Variants in IRAG2 observed in about 807,000 individuals in gnomAD.
IRAG2 encodes the protein inositol 1,4,5-triphosphate receptor associated 2.
Under a neutral mutation model 69.9 loss-of-function variants are expected in IRAG2, and 45 were observed. The ratio of observed to expected loss-of-function variants is 0.64; its 90% CI spans 0.51 to 0.83. The LOEUF (loss-of-function observed/expected upper bound fraction) is 0.83, where lower values mean the gene tolerates loss of function less well. Ranked by LOEUF, IRAG2 falls within the 40% of genes least tolerant of loss-of-function variation. The pLI, the probability that IRAG2 is intolerant of heterozygous loss-of-function variation, is 0.00. For synonymous variants in IRAG2, 193 were observed against 202.4 expected, an observed-to-expected ratio of 0.95 and a Z score of 0.40; for missense variants, 520 against 587.0, an observed-to-expected ratio of 0.89 and a Z score of 1.18.
intron 10 of IRAG2, among the ~76,000 whole-genome samples, chr12:25,085,250 G>A (rs1164700805): frequency 6.6e-6 from 1 of 152,266 alleles, no homozygotes; most frequent in African/African-American, 2.4e-5. Flanking sequence ...TCACACGTGA[G>A]CTGGAAGGAT....
chr12:25,102,454 A>G (rs1020120859), intron 17 of IRAG2: 1 of 541,124 alleles, frequency 1.8e-6, no homozygotes, highest in South Asian at 2.2e-5. Flanking sequence ...CAGTACAACA[A>G]TGGTTTCTCT....
intron 6 of IRAG2, among the ~76,000 whole-genome samples, chr12:25,017,659 A>C (rs1004569657): frequency 6.6e-6 from 1 of 152,026 alleles, no homozygotes; most frequent in East Asian, 1.9e-4. Flanking sequence ...CAGAAGTTGC[A>C]GTAAGCCAAG....
intron 1 of IRAG2, among the ~76,000 whole-genome samples, chr12:25,055,082 C>T (rs1382345885): frequency 6.6e-6 from 1 of 152,224 alleles, no homozygotes; most frequent in Non-Finnish European, 1.5e-5. Context: ...CAAAGTATTT[C>T]AGACAATTGT....
Position 25,096,980 on chromosome 12 carries a change from A to C in IRAG2, c.677A>C (p.Lys226Thr), listed in dbSNP as rs373425616. Residue 226 changes from lysine (K) to threonine (T), a missense_variant, in exon 15 of 22, where the codon AAG becomes ACG. Transcript: ENST00000556887. ...EIIKKLEKSI[K>T]FLSQCAARVA... Reference sequence around the variant, plus strand: ...ATTAAGAAGCTGGAGAAGAGTATAAAGTTTCTTAGCCAGTGTGCAGCACGA... The same window carrying C: ...ATTAAGAAGCTGGAGAAGAGTATAACGTTTCTTAGCCAGTGTGCAGCACGA... 1.3e-5 allele frequency: 21 copies of C among 1,613,938 alleles called. 1 individual carries two copies. The African/African-American group carries it at 2.5e-4, about 19-fold the overall frequency.
intron 8 of IRAG2, among the ~76,000 whole-genome samples, chr12:25,025,150 C>G (rs1944611029): frequency 6.6e-6 from 1 of 152,174 alleles, no homozygotes; most frequent in South Asian, 2.1e-4. Context: ...AGCAAAATAG[C>G]TCATGTGGAA....
intron 9 of IRAG2, among the ~76,000 whole-genome samples, chr12:25,027,871 G>T (rs80190577): frequency 1.3e-5 from 2 of 152,028 alleles, no homozygotes; most frequent in African/African-American, 4.8e-5. Flanking sequence ...TTTCTCTTGG[G>T]TATATACCTA....
rs1030172287 is a variant in IRAG2, at chr12:25,030,266, G to A, written c.1462-12G>A. ...TGTCCCAACGGCCTTCCCTAAATTCGTCTCTTTTCAGATGCAGTTACACAC... is the reference window on the plus strand; with the variant it reads ...TGTCCCAACGGCCTTCCCTAAATTCATCTCTTTTCAGATGCAGTTACACAC... On this transcript the variant is annotated splice_polypyrimidine_tract_variant and intron_variant, in intron 9 of 38. Transcript: ENST00000636465. 1.3e-4 allele frequency: 166 copies of A among 1,231,258 alleles called. 1 individual carries two copies. Among genetic ancestry groups the A allele is most frequent in the South Asian group, 2.1e-4 (5 of 24,300 alleles). 76.3% of individuals were successfully genotyped at this position (1,231,258 alleles called of 1,614,324 possible). A position where few individuals can be genotyped will look rare whatever the true frequency, so the allele number is the denominator to read the frequency against.
intron 16 of IRAG2, among the ~76,000 whole-genome samples, chr12:25,042,003 G>A (rs368870524): frequency 6.6e-6 from 1 of 151,290 alleles, no homozygotes; most frequent in African/African-American, 2.4e-5. Flanking sequence ...ATGTGTATGT[G>A]TGTTTGTTTG....
chr12:25,042,013 G>C (rs922224098), intron 16 of IRAG2, among the ~76,000 whole-genome samples: 1 of 151,454 alleles, frequency 6.6e-6, no homozygotes, highest in Non-Finnish European at 1.5e-5. Flanking sequence ...GTGTTTGTTT[G>C]TATACTGAGT....
At chr12:25,001,820 A>G (rs1591919336), upstream of IRAG2, among the ~76,000 whole-genome samples, 1 of 143,504 alleles carries the variant, frequency 7.0e-6, no homozygotes, top group Non-Finnish European at 1.5e-5. Context: ...CCCAGGCTGG[A>G]GTACAGTGGC....
chr12:25,103,194 C>A (rs1948849536), intron 17 of IRAG2: 1 of 152,120 alleles, frequency 6.6e-6, no homozygotes, highest in Admixed American at 6.5e-5. Flanking sequence ...ACCTTAAGAA[C>A]CACATAATAC....
At chr12:25,029,832 C>T (rs1020977020) in intron 9 of IRAG2, among the ~76,000 whole-genome samples, 16 of 152,282 alleles carry the variant, frequency 1.1e-4, no homozygotes, top group African/African-American at 3.1e-4. Flanking sequence ...AGGCATGTGC[C>T]GCCATGCCAG....
chr12:25,105,554 C>CT (rs932111661), intron 20 of IRAG2, among the ~76,000 whole-genome samples: 6 of 151,168 alleles, frequency 4.0e-5, no homozygotes, highest in African/African-American at 7.3e-5. Flanking sequence ...TGGTTTTTTT[C>CT]TTTTTTTTAA....
At chr12:25,001,608 ATCAT>A (rs2139809568), upstream of IRAG2, among the ~76,000 whole-genome samples, 1 of 152,240 alleles carries the variant, frequency 6.6e-6, no homozygotes, top group Non-Finnish European at 1.5e-5. Context: ...CTACCACATC[ATCAT>A]TCAGTGACAG....
chr12:25,093,405 G>A (rs1291878529), intron 14 of IRAG2: 1 of 153,252 alleles, frequency 6.5e-6, no homozygotes, highest in Non-Finnish European at 1.5e-5. Context: ...AAGGGCTGAA[G>A]ATGCTGTAGT....
At chr12:25,038,597 C>T (rs1167975051) in intron 16 of IRAG2, among the ~76,000 whole-genome samples, 3 of 146,636 alleles carry the variant, frequency 2.0e-5, no homozygotes, top group African/African-American at 7.6e-5. Context: ...GCTGAGATTG[C>T]ACTACTGCAC....
upstream of IRAG2, among the ~76,000 whole-genome samples, chr12:25,003,087 A>G (rs1486620207): frequency 3.3e-5 from 5 of 152,190 alleles, no homozygotes; most frequent in African/African-American, 1.2e-4. Context: ...ATTGAAGATC[A>G]AGTAAGATTC....
At chr12:25,026,797 G>A (rs1384263481) in exon 9 of IRAG2, 3 of 1,221,788 alleles carry the variant, frequency 2.5e-6, no homozygotes, top group African/African-American at 1.6e-5. Flanking sequence ...AGAATTTCAA[G>A]AACATCATGG....
intron 11 of IRAG2, among the ~76,000 whole-genome samples, chr12:25,089,399 C>CA (rs3214980): frequency 0.4 from 60,089 of 152,060 alleles, 13,422 homozygotes; most frequent in East Asian, 0.78. Flanking sequence ...AAAGACTATT[C>CA]ACATGCTGAG....
Sources: gnomAD v4.1 joint callset for allele counts (sites outside exome capture counted in the v4.1 genomes callset) on GRCh38, gnomAD v4.1.1 for gene constraint, MANE v1.5 for transcripts, NCBI Gene and HGNC (gene_info 2026-07-23, HGNC 2026-07-21) for gene names.